The following STEAP3 variants were observed in gnomAD, a reference collection of about 807,000 sequenced individuals.
STEAP3 encodes the protein metalloreductase STEAP3.
Under a neutral mutation model 34.9 loss-of-function variants are expected in STEAP3, and 35 were observed. The observed-to-expected ratio is 1.00, with a 90% CI of 0.76 to 1.33. STEAP3 has a LOEUF of 1.33. Among genes scored for constraint, STEAP3 ranks in the 40% most tolerant of loss-of-function variants. The pLI is 0.00. For synonymous variants in STEAP3, 281 were observed against 301.6 expected, an observed-to-expected ratio of 0.93 and a Z score of 0.71; for missense variants, 652 against 667.6, an observed-to-expected ratio of 0.98 and a Z score of 0.26.
At chr2:119,257,580 T>C (rs1301779663) in intron 5 of STEAP3, 1 of 1,542,666 alleles carries the variant, frequency 6.5e-7, no homozygotes. Context: ...TCGGAGCTTC[T>C]GCTGCTCACT....
chr2:119,224,595 C>T (rs909022581), intron 1 of STEAP3, among the ~76,000 whole-genome samples: 5 of 152,138 alleles, frequency 3.3e-5, no homozygotes, highest in African/African-American at 1.2e-4. Flanking sequence ...AGATAATATG[C>T]GGTTTGGGGA....
intron 5 of STEAP3, 36 bp downstream of exon 5, chr2:119,254,884 G>C (rs201325924): frequency 6.2e-7 from 1 of 1,603,060 alleles, no homozygotes. Context: ...CAGCTTCAGC[G>C]TGGCCCTGGC....
intron 1 of STEAP3, among the ~76,000 whole-genome samples, chr2:119,224,698 T>A (rs1678984573): frequency 6.6e-6 from 1 of 152,138 alleles, no homozygotes; most frequent in African/African-American, 2.4e-5. Flanking sequence ...CAGGGCCACC[T>A]CAGAGATGGG....
intron 5 of STEAP3, 125 bp from the exon 6 acceptor site, chr2:119,262,932 A>C: frequency 1.5e-6 from 2 of 1,313,366 alleles, no homozygotes; most frequent in East Asian, 4.6e-5. Flanking sequence ...TGGGGTTCCA[A>C]CCCATAGCGG....
chr2:119,252,985 C>T (rs998276292), intron 4 of STEAP3, among the ~76,000 whole-genome samples: 1 of 152,028 alleles, frequency 6.6e-6, no homozygotes, highest in Non-Finnish European at 1.5e-5. Context: ...AGTTAAAGAA[C>T]AAACAACTTC....
At chr2:119,226,810 C>T (rs77028899) in intron 1 of STEAP3, among the ~76,000 whole-genome samples, 1,787 of 152,234 alleles carry the variant, frequency 0.012, 29 homozygotes, top group African/African-American at 0.039. Flanking sequence ...TGCCAGCATC[C>T]GGGCCAAACA....
At chr2:119,249,997 G>T (rs1055034043) in intron 4 of STEAP3, among the ~76,000 whole-genome samples, 4 of 152,156 alleles carry the variant, frequency 2.6e-5, no homozygotes, top group Non-Finnish European at 4.4e-5. Context: ...TGTAGGCCAG[G>T]TGCTATTATA....
chr2:119,260,478 C>T (rs1057440763), intron 5 of STEAP3, among the ~76,000 whole-genome samples: 4 of 151,904 alleles, frequency 2.6e-5, no homozygotes, highest in Admixed American at 2.0e-4. Flanking sequence ...TTAGTAGAGA[C>T]GGGGACGGGG....
At chr2:119,250,373 C>G (rs1677586415) in intron 4 of STEAP3, among the ~76,000 whole-genome samples, 1 of 152,228 alleles carries the variant, frequency 6.6e-6, no homozygotes, top group African/African-American at 2.4e-5. Context: ...AGATCTTGAC[C>G]TTGAGCAAGT....
rs1199839289 is a variant in STEAP3, at chr2:119,247,719, T to C, written c.563T>C (p.Val188Ala). 1.1e-5 allele frequency: 17 copies of C among 1,569,880 alleles called. No homozygotes were observed. The highest frequency in any genetic ancestry group is 1.4e-5 in the Non-Finnish European group (16 of 1,160,888). Residue 188 changes from valine to alanine, a missense_variant, in exon 4 of 6, where the codon GTC becomes GCC. Coordinates refer to ENST00000393110, the MANE Select transcript of STEAP3 (RefSeq NM_182915.3). ...GACCAGCCAGAAGCCAAGCGTGCTG[T>C]CTCGGAGATGGCGCTCGCCATGGGC... is the stretch of plus-strand genomic sequence containing the variant. ...CGDQPEAKRA[V>A]SEMALAMGFM... is the part of the protein sequence containing the mutation.
At chr2:119,255,043 C>A (rs951948760) in intron 5 of STEAP3, among the ~76,000 whole-genome samples, 195 bp downstream of exon 5, 16 of 152,162 alleles carry the variant, frequency 1.1e-4, no homozygotes, top group Non-Finnish European at 1.9e-4. Flanking sequence ...ACAAGCTTAA[C>A]CTCCCAACAC....
At position 119,263,049 on chromosome 2, in the gene STEAP3, C is replaced by T. The variant is rs1340724938; in HGVS notation, c.1216-8C>T. The T allele has an allele frequency of 6.3e-7, 1 of 1,598,932 alleles. No individual in the cohort carries two copies. The highest frequency in any genetic ancestry group is 8.5e-7 in the Non-Finnish European group (1 of 1,177,090). On this transcript the variant is annotated splice_polypyrimidine_tract_variant and splice_region_variant and intron_variant, in intron 5 of 5. Coordinates refer to ENST00000393110, the MANE Select transcript of STEAP3 (RefSeq NM_182915.3). ...CGCCCTCACTCCAGCCTTTTTTTCC[C>T]TCCACAGTCCTCACTGGGCTTTGTG... is the stretch of plus-strand genomic sequence containing the variant.
At position 119,230,734 on chromosome 2, in the gene STEAP3, G is replaced by C; in HGVS notation, c.-279G>C. 3.6e-6 allele frequency: 2 copies of C among 550,382 alleles called. No homozygotes were observed. The allele number at this position is 550,382 out of a possible 1,614,324, so 34.1% of individuals were successfully genotyped here. A position where few individuals can be genotyped will look rare whatever the true frequency, so the allele number is the denominator to read the frequency against. On this transcript the variant is annotated 5_prime_UTR_variant, in exon 2 of 6. Coordinates refer to ENST00000393110, the MANE Select transcript of STEAP3 (RefSeq NM_182915.3). ...TTATCACCCGTGAGGTTTCCTCCCC[G>C]AGCAGGAAGCAGCAGGCCAGAGCTG...
chr2:119,230,810 A>G lies in STEAP3; in HGVS notation c.-203A>G, dbSNP rs1676904236. On this transcript the variant is annotated 5_prime_UTR_variant, in exon 2 of 6. Transcript: ENST00000393110. ...AAGCATCAGTCACCACTCCCGGTCCAGCCCCTGTGGCCAAGAGCTGGCGTG... is the reference window on the plus strand; with the variant it reads ...AAGCATCAGTCACCACTCCCGGTCCGGCCCCTGTGGCCAAGAGCTGGCGTG... The G allele has an allele frequency of 3.0e-6, 2 of 658,364 alleles. No homozygotes were observed. Among genetic ancestry groups the G allele is most frequent in the East Asian group, 5.5e-5 (2 of 36,576 alleles). The allele number at this position is 658,364 out of a possible 1,614,324, so 40.8% of individuals were successfully genotyped here. A position where few individuals can be genotyped will look rare whatever the true frequency, so the allele number is the denominator to read the frequency against.
intron 2 of STEAP3, among the ~76,000 whole-genome samples, chr2:119,243,738 TG>T (rs1303551689): frequency 6.6e-6 from 1 of 152,244 alleles, no homozygotes; most frequent in Non-Finnish European, 1.5e-5. Flanking sequence ...TTGACAAAGA[TG>T]GAAGCTGGGG....
chr2:119,245,954 C>A lies in STEAP3; in HGVS notation c.488C>A (p.Thr163Asn). ...GCCTTCAATGTCATCTCTGCCTGGA[C>A]CCTGCAGGCTGGCCCAAGGGATGGT... The part of the protein sequence containing the change: ...VKAFNVISAW[T>N]LQAGPRDGNR... Residue 163 changes from threonine (T) to asparagine (N), a missense_variant, in exon 3 of 6, where the codon ACC becomes AAC. Transcript: ENST00000393110. 6.2e-7 allele frequency: 1 copy of A among 1,613,706 alleles called. No homozygotes were observed. Among genetic ancestry groups the A allele is most frequent in the Non-Finnish European group, 8.5e-7 (1 of 1,179,982 alleles).
intron 2 of STEAP3, among the ~76,000 whole-genome samples, chr2:119,231,782 A>G (rs1158212225): frequency 1.3e-5 from 2 of 152,222 alleles, no homozygotes; most frequent in Non-Finnish European, 2.9e-5. Flanking sequence ...AAGAAATATA[A>G]CAGTAAAACG....
chr2:119,240,016 CAGACA>C (rs1159044889), intron 2 of STEAP3, among the ~76,000 whole-genome samples: 3 of 151,214 alleles, frequency 2.0e-5, no homozygotes, highest in Non-Finnish European at 4.4e-5. Context: ...TTTTACTGAC[CAGACA>C]AAAAAAATTT....
At chr2:119,231,791 C>T (rs948977769) in intron 2 of STEAP3, among the ~76,000 whole-genome samples, 15 of 151,844 alleles carry the variant, frequency 9.9e-5, no homozygotes, top group African/African-American at 3.1e-4. Flanking sequence ...AACAGTAAAA[C>T]GTTTGTAAGA....
Sources: allele counts gnomAD v4.1 joint callset (sites outside exome capture counted in the v4.1 genomes callset), GRCh38; gene constraint gnomAD v4.1.1; transcripts MANE v1.5; gene names NCBI Gene and HGNC (gene_info 2026-07-23, HGNC 2026-07-21).